The following RANBP2 variants were observed in gnomAD, a reference collection of about 807,000 sequenced individuals.
RANBP2 encodes E3 SUMO-protein ligase RanBP2.
RANBP2 carries 57 observed loss-of-function variants against 303.6 expected under a neutral mutation model. The observed-to-expected ratio is 0.19, with a 90% CI of 0.15 to 0.23. RANBP2 has a LOEUF of 0.23. Ranked by LOEUF, RANBP2 falls within the 10% of genes least tolerant of loss-of-function variation. The pLI, the probability that RANBP2 is intolerant of heterozygous loss-of-function variation, is 1.00. For synonymous variants in RANBP2, 1,167 were observed against 1,301.5 expected (o/e 0.90, Z 2.23); for missense variants, 3,138 against 3,780.8 (o/e 0.83, Z 4.46).
the RANBP2 span, among the ~76,000 whole-genome samples, chr2:109,401,399 A>G: frequency 6.6e-6 from 1 of 152,162 alleles, no homozygotes; most frequent in African/African-American, 2.4e-5. Context: ...CCTTCCTCCT[A>G]GAAGAGCAAA....
chr2:109,570,897 CAT>C, the RANBP2 span, among the ~76,000 whole-genome samples: 3 of 152,122 alleles, frequency 2.0e-5, no homozygotes, highest in Non-Finnish European at 4.4e-5. Flanking sequence ...TATATACAGT[CAT>C]GTGTGGCTTA....
At chr2:109,545,566 A>G in the RANBP2 span, 1 of 1,535,620 alleles carries the variant, frequency 6.5e-7, no homozygotes. Flanking sequence ...AAATTCTCAC[A>G]AAATCAGTAT....
At chr2:109,250,159 A>C in the RANBP2 span, among the ~76,000 whole-genome samples, 12 of 150,544 alleles carry the variant, frequency 8.0e-5, no homozygotes, top group Admixed American at 6.6e-4. Flanking sequence ...TCTGTCTTTA[A>C]GGTTTTTCTC....
chr2:109,270,691 G>T, the RANBP2 span, among the ~76,000 whole-genome samples: 3 of 152,212 alleles, frequency 2.0e-5, no homozygotes, highest in African/African-American at 4.8e-5. Context: ...GGCCACGCAG[G>T]TGGTGTCTGG....
the RANBP2 span, among the ~76,000 whole-genome samples, chr2:109,490,214 G>A: frequency 6.6e-6 from 1 of 152,214 alleles, no homozygotes; most frequent in Non-Finnish European, 1.5e-5. Flanking sequence ...CACCAGCCTT[G>A]GAAAATAGAA....
At chr2:109,228,304 G>A in the RANBP2 span, among the ~76,000 whole-genome samples, 1 of 152,196 alleles carries the variant, frequency 6.6e-6, no homozygotes, top group East Asian at 1.9e-4. Flanking sequence ...ATGAGCAGGT[G>A]CAATAAATGT....
At chr2:109,271,348 C>G in the RANBP2 span, among the ~76,000 whole-genome samples, 2 of 152,172 alleles carry the variant, frequency 1.3e-5, no homozygotes, top group South Asian at 2.1e-4. Flanking sequence ...CCAGGAGGAA[C>G]CTAGAGGGAT....
At chr2:108,823,594 C>T in the RANBP2 span, among the ~76,000 whole-genome samples, 1 of 152,198 alleles carries the variant, frequency 6.6e-6, no homozygotes, top group East Asian at 1.9e-4. Flanking sequence ...ATTTGCTATG[C>T]AGAATATCTT....
the RANBP2 span, among the ~76,000 whole-genome samples, chr2:109,643,961 A>C: frequency 6.7e-6 from 1 of 150,016 alleles, no homozygotes; most frequent in Non-Finnish European, 1.5e-5. Flanking sequence ...TCTCTACTAA[A>C]AATACAAAAA....
At chr2:109,012,685 C>A in the RANBP2 span, among the ~76,000 whole-genome samples, 2 of 152,278 alleles carry the variant, frequency 1.3e-5, no homozygotes, top group Middle Eastern at 3.4e-3. Context: ...GAGGCCGAGG[C>A]GGGTGGATCA....
chr2:109,682,421 G>A, the RANBP2 span, among the ~76,000 whole-genome samples: 3 of 152,160 alleles, frequency 2.0e-5, no homozygotes, highest in Middle Eastern at 3.2e-3. Context: ...CAGAAAGGGC[G>A]GAAAAGGCTT....
chr2:108,726,388 C>T (rs1573687316), intron 1 of RANBP2, among the ~76,000 whole-genome samples: 1 of 150,690 alleles, frequency 6.6e-6, no homozygotes, highest in South Asian at 2.1e-4. Flanking sequence ...TTCACATATG[C>T]AGAGAGAAGC....
At chr2:109,339,695 T>C in the RANBP2 span, among the ~76,000 whole-genome samples, 1 of 152,162 alleles carries the variant, frequency 6.6e-6, no homozygotes, top group Non-Finnish European at 1.5e-5. Flanking sequence ...GCTCAAGTAC[T>C]CCTCTAAGTA....
At chr2:109,388,693 T>C in the RANBP2 span, among the ~76,000 whole-genome samples, 3 of 152,216 alleles carry the variant, frequency 2.0e-5, no homozygotes, top group African/African-American at 7.2e-5. Flanking sequence ...CACTAAACAT[T>C]TGAAGCATCT....
chr2:108,833,077 G>C, the RANBP2 span, among the ~76,000 whole-genome samples: 11 of 152,268 alleles, frequency 7.2e-5, no homozygotes, highest in African/African-American at 2.2e-4. Context: ...GCAAAAACTG[G>C]AGTAAAGAGA....
At chr2:108,775,138 C>T (rs971128876) in intron 23 of RANBP2, among the ~76,000 whole-genome samples, 3 of 152,144 alleles carry the variant, frequency 2.0e-5, no homozygotes, top group African/African-American at 7.2e-5. Context: ...CTCTTTCATG[C>T]AGTTTGAAAT....
chr2:109,692,868 G>C, the RANBP2 span, among the ~76,000 whole-genome samples: 6 of 150,222 alleles, frequency 4.0e-5, no homozygotes, highest in African/African-American at 1.5e-4. Context: ...CCCCAGGCTG[G>C]AGTGCAATGG....
At chr2:109,270,492 G>T in the RANBP2 span, among the ~76,000 whole-genome samples, 1 of 152,166 alleles carries the variant, frequency 6.6e-6, no homozygotes, top group Non-Finnish European at 1.5e-5. Flanking sequence ...TGAGCCACTG[G>T]ACTTAATGTG....
At chr2:109,541,365 T>G in the RANBP2 span, among the ~76,000 whole-genome samples, 1 of 152,244 alleles carries the variant, frequency 6.6e-6, no homozygotes, top group African/African-American at 2.4e-5. Context: ...AGCTACCATT[T>G]TCATTACTAT....
Sources: gnomAD v4.1 joint callset for allele counts (sites outside exome capture counted in the v4.1 genomes callset) on GRCh38, gnomAD v4.1.1 for gene constraint, MANE v1.5 for transcripts, NCBI Gene and HGNC (gene_info 2026-07-23, HGNC 2026-07-21) for gene names.